Variants in CDK6 observed in about 807,000 individuals in gnomAD.
CDK6 encodes the protein cyclin dependent kinase 6.
Under a neutral mutation model 37.1 loss-of-function variants are expected in CDK6, and 6 were observed. That is an observed-to-expected ratio of 0.16 (90% CI 0.09 to 0.32). CDK6 has a LOEUF of 0.32. CDK6 is among the 10% of genes least tolerant of loss of function. The pLI is 1.00. For missense variants in CDK6, 224 were observed against 418.9 expected (o/e 0.53, Z 4.06); for synonymous variants, 160 against 161.3 (o/e 0.99, Z 0.06).
chr7:92,759,400 T>C lies in CDK6; in HGVS notation c.369+15296A>G, dbSNP rs1036021957. On this transcript the variant is annotated intron_variant, in intron 3 of 7. Transcript: ENST00000424848. Reference sequence around the variant, plus strand: ...CAGATTAGCATCAGGGCTTGCTGCCTCCACCTTAAGTGTATCTGCTTTGAT... The same window carrying C: ...CAGATTAGCATCAGGGCTTGCTGCCCCCACCTTAAGTGTATCTGCTTTGAT... Among the ~76,000 whole-genome samples, 6 of 151,808 alleles carry C rather than the reference T, an allele frequency of 4.0e-5. No homozygotes were observed. In the East Asian group the frequency reaches 1.2e-3, roughly 29 times the overall value.
chr7:92,785,060 A>G (rs1471525183), intron 2 of CDK6, among the ~76,000 whole-genome samples: 2 of 152,208 alleles, frequency 1.3e-5, no homozygotes, highest in Non-Finnish European at 2.9e-5. Context: ...TGTTCACTGA[A>G]TGATGACGCA....
In CDK6 at chr7:92,678,924, C is replaced by T. The variant is rs191948372; in HGVS notation, c.538-7389G>A. On this transcript the variant is annotated intron_variant, in intron 4 of 7. Transcript: ENST00000424848. Reference sequence around the variant, plus strand: ...AAGCTGTCTAGAACTGACTGTGTTGCCACCACAAAGTCAATGTCCATCTCA... The same window carrying T: ...AAGCTGTCTAGAACTGACTGTGTTGTCACCACAAAGTCAATGTCCATCTCA... Among the ~76,000 whole-genome samples, 3 of 152,336 alleles carry T rather than the reference C, an allele frequency of 2.0e-5. No homozygotes were observed. The East Asian group carries it at 5.8e-4, about 29-fold the overall frequency.
intron 3 of CDK6, among the ~76,000 whole-genome samples, chr7:92,736,207 AT>A (rs1332031942): frequency 6.6e-6 from 1 of 152,074 alleles, no homozygotes. Flanking sequence ...GATTATGTGT[AT>A]TATGGTTATA....
Position 92,833,506 on chromosome 7 carries a change from C to A in CDK6, c.-183G>T. On this transcript the variant is annotated 5_prime_UTR_variant, in exon 2 of 8. Transcript: ENST00000424848. This position sits in a 1 kb window ranked among gnomAD's most constrained non-coding sequence, Gnocchi z 6.1. ...CCGCTGCAGAAGCTGGATGGAGAGA[C>A]CTCCCCGCGGGGCTGGCGTAACCCT... The A allele has an allele frequency of 1.8e-6, 1 of 564,864 alleles. No individual in the cohort carries two copies. The highest frequency in any genetic ancestry group is 3.1e-6 in the Non-Finnish European group (1 of 325,150). The allele number at this position is 564,864 out of a possible 1,614,324, so 35.0% of individuals were successfully genotyped here.
chr7:92,728,728 A>C (rs1226494085), intron 3 of CDK6, among the ~76,000 whole-genome samples: 1 of 152,236 alleles, frequency 6.6e-6, no homozygotes, highest in Non-Finnish European at 1.5e-5. Flanking sequence ...TCTACATAAG[A>C]ATGACCATTC....
intron 5 of CDK6, among the ~76,000 whole-genome samples, chr7:92,667,282 TG>T (rs1392536459): frequency 6.6e-6 from 1 of 152,192 alleles, no homozygotes; most frequent in Non-Finnish European, 1.5e-5. Context: ...ACTGTCATCT[TG>T]AACTCCTGGG....
intron 4 of CDK6, among the ~76,000 whole-genome samples, chr7:92,681,123 A>T (rs1310564581): frequency 6.6e-6 from 1 of 152,238 alleles, no homozygotes; most frequent in Admixed American, 6.5e-5. Flanking sequence ...CTGTCCCATA[A>T]TAACTTAATA....
At chr7:92,685,263 G>A (rs1034477904) in intron 4 of CDK6, among the ~76,000 whole-genome samples, 1 of 152,142 alleles carries the variant, frequency 6.6e-6, no homozygotes, top group Non-Finnish European at 1.5e-5. Flanking sequence ...GACTTACAGA[G>A]TATTTCTAGG....
chr7:92,812,093 G>A (rs575251839), intron 2 of CDK6, among the ~76,000 whole-genome samples: 1 of 152,188 alleles, frequency 6.6e-6, no homozygotes, highest in East Asian at 1.9e-4. Context: ...CAGCCAAGAT[G>A]GTGCCATTGC....
chr7:92,711,812 C>T (rs1313816429), intron 4 of CDK6, among the ~76,000 whole-genome samples: 3 of 151,584 alleles, frequency 2.0e-5, no homozygotes. Context: ...AAGCAATCTG[C>T]CCGCCTCAGC....
chr7:92,735,904 G>T (rs1030580730), intron 3 of CDK6, among the ~76,000 whole-genome samples: 1 of 152,126 alleles, frequency 6.6e-6, no homozygotes, highest in African/African-American at 2.4e-5. Flanking sequence ...CTTGCCAAGT[G>T]GAGGCATAAA....
chr7:92,763,448 T>G (rs960708885), intron 3 of CDK6, among the ~76,000 whole-genome samples: 2 of 152,198 alleles, frequency 1.3e-5, no homozygotes, highest in African/African-American at 4.8e-5. Context: ...CTTTCAAAGG[T>G]CAAATCATGA....
At chr7:92,817,866 C>G (rs1801069528) in intron 2 of CDK6, among the ~76,000 whole-genome samples, 1 of 151,716 alleles carries the variant, frequency 6.6e-6, no homozygotes, top group South Asian at 2.1e-4. Flanking sequence ...AAAGAAAAAA[C>G]AATGCCTTTT....
chr7:92,755,897 T>C lies in CDK6; in HGVS notation c.369+18799A>G, dbSNP rs561653686. Reference sequence around the variant, plus strand: ...CTGCCCGGTTTAAAAATTCTATGCATGGGTATCTCTTTCACTCTTTCTTGC... The same window carrying C: ...CTGCCCGGTTTAAAAATTCTATGCACGGGTATCTCTTTCACTCTTTCTTGC... On this transcript the variant is annotated intron_variant, in intron 3 of 7. Transcript: ENST00000424848. Among the ~76,000 whole-genome samples, 9 of 152,130 alleles carry C rather than the reference T, an allele frequency of 5.9e-5. No homozygotes were observed. In the South Asian group the frequency reaches 1.7e-3, roughly 28 times the overall value.
intron 5 of CDK6, among the ~76,000 whole-genome samples, chr7:92,645,143 G>A (rs377395100): frequency 5.9e-5 from 9 of 152,304 alleles, no homozygotes; most frequent in African/African-American, 2.2e-4. Context: ...GAACCTTCTG[G>A]TTAATTTGGT....
chr7:92,774,515 A>G (rs1799797149), intron 3 of CDK6, among the ~76,000 whole-genome samples, 181 bp downstream of exon 3: 1 of 152,222 alleles, frequency 6.6e-6, no homozygotes, highest in Non-Finnish European at 1.5e-5. Flanking sequence ...TACTTTGAAC[A>G]TCTCACTTAG....
At chr7:92,667,849 G>A (rs1796992906) in intron 5 of CDK6, among the ~76,000 whole-genome samples, 1 of 152,120 alleles carries the variant, frequency 6.6e-6, no homozygotes. Context: ...ACTGCACCCG[G>A]CCAAAAAATT....
chr7:92,625,286 C>T (rs1179961940), intron 5 of CDK6, among the ~76,000 whole-genome samples: 1 of 150,934 alleles, frequency 6.6e-6, no homozygotes, highest in Admixed American at 6.6e-5. Context: ...CAATATTATA[C>T]AGATAATCAT....
intron 5 of CDK6, among the ~76,000 whole-genome samples, chr7:92,630,402 T>C (rs1250128154): frequency 6.6e-6 from 1 of 152,080 alleles, no homozygotes; most frequent in Non-Finnish European, 1.5e-5. Flanking sequence ...TATTTAGCAC[T>C]TTCCAAGGGC....
Sources: allele counts gnomAD v4.1 joint callset (sites outside exome capture counted in the v4.1 genomes callset), GRCh38; gene constraint gnomAD v4.1.1; non-coding constraint Gnocchi (gnomAD v3.1); transcripts MANE v1.5; gene names NCBI Gene and HGNC (gene_info 2026-07-23, HGNC 2026-07-21).